SH3GL2: variants seen among roughly 807,000 people sequenced by gnomAD.
The protein encoded by SH3GL2 is endophilin-A1.
A neutral mutation model predicts 46.0 loss-of-function variants in SH3GL2; 24 were observed. That is an observed-to-expected ratio of 0.52 (90% confidence interval 0.38 to 0.73). The LOEUF is 0.73. Ranked by LOEUF, SH3GL2 falls within the 30% of genes least tolerant of loss-of-function variation. The pLI, the probability that SH3GL2 is intolerant of heterozygous loss-of-function variation, is 0.00. For synonymous variants in SH3GL2, 196 were observed against 147.1 expected, an observed-to-expected ratio of 1.33 and a Z score of -2.40; for missense variants, 413 against 424.2, an observed-to-expected ratio of 0.97 and a Z score of 0.23.
chr9:17,710,784 T>C (rs1366929922), intron 1 of SH3GL2, among the ~76,000 whole-genome samples: 1 of 151,918 alleles, frequency 6.6e-6, no homozygotes, highest in Non-Finnish European at 1.5e-5. Context: ...AATAAGCCAA[T>C]CCTCATCTTT....
At chr9:17,642,935 G>A (rs1204016433) in intron 1 of SH3GL2, among the ~76,000 whole-genome samples, 8 of 152,182 alleles carry the variant, frequency 5.3e-5, no homozygotes, top group Non-Finnish European at 1.0e-4. Context: ...AAAGTCAATG[G>A]TAGTTTGATG....
chr9:17,778,980 A>G (rs917369051), intron 3 of SH3GL2, among the ~76,000 whole-genome samples: 1 of 152,126 alleles, frequency 6.6e-6, no homozygotes, highest in Non-Finnish European at 1.5e-5. Flanking sequence ...TACACATCCT[A>G]GTACAGTCAA....
intron 1 of SH3GL2, among the ~76,000 whole-genome samples, chr9:17,628,462 G>A (rs1819341250): frequency 1.3e-5 from 2 of 150,450 alleles, no homozygotes; most frequent in Admixed American, 6.6e-5. Context: ...GTATGTGCAT[G>A]CACATTTATC....
At chr9:17,676,856 CCTTTTTAT>C (rs1192668343) in intron 1 of SH3GL2, among the ~76,000 whole-genome samples, 8 of 152,070 alleles carry the variant, frequency 5.3e-5, no homozygotes, top group Non-Finnish European at 1.0e-4. Flanking sequence ...TTCTTTTTGT[CCTTTTTAT>C]CTTTTTATAT....
chr9:17,731,325 G>A lies in SH3GL2; in HGVS notation c.46-15741G>A, dbSNP rs558574920. Among the ~76,000 whole-genome samples the A allele has an allele frequency of 1.1e-4, 16 of 151,866 alleles. No individual in the cohort carries two copies. In the East Asian group the frequency reaches 2.3e-3, roughly 22 times the overall value. On this transcript the variant is annotated intron_variant, in intron 1 of 8. Coordinates refer to ENST00000380607, the MANE Select transcript of SH3GL2 (RefSeq NM_003026.5). ...ATGGGGCCCTTGGGAGGTGTTTAAA[G>A]TTATATGAGTTCGTGAGGGTAGAAC...
At chr9:17,714,126 A>G (rs1424297077) in intron 1 of SH3GL2, among the ~76,000 whole-genome samples, 1 of 151,656 alleles carries the variant, frequency 6.6e-6, no homozygotes, top group Non-Finnish European at 1.5e-5. Context: ...GTATGAAATG[A>G]TGGTTTTGAT....
At chr9:17,731,907 G>A (rs1178825250) in intron 1 of SH3GL2, among the ~76,000 whole-genome samples, 2 of 152,082 alleles carry the variant, frequency 1.3e-5, no homozygotes, top group African/African-American at 4.8e-5. Flanking sequence ...CTCAGTGCCG[G>A]ACATACAAAA....
intron 1 of SH3GL2, among the ~76,000 whole-genome samples, chr9:17,657,666 A>G (rs1820120545): frequency 6.6e-6 from 1 of 152,140 alleles, no homozygotes; most frequent in African/African-American, 2.4e-5. Context: ...AATCGTTAGT[A>G]TTTGTGGCAC....
At chr9:17,669,840 G>C (rs745488267) in intron 1 of SH3GL2, among the ~76,000 whole-genome samples, 1 of 152,106 alleles carries the variant, frequency 6.6e-6, no homozygotes, top group Non-Finnish European at 1.5e-5. Context: ...CATAGCCAAG[G>C]AAATCAAGGA....
chr9:17,745,907 C>T (rs889191383), intron 1 of SH3GL2, among the ~76,000 whole-genome samples: 1 of 152,060 alleles, frequency 6.6e-6, no homozygotes, highest in African/African-American at 2.4e-5. Flanking sequence ...ACAGTGACAA[C>T]TTAGGGAAAA....
chr9:17,585,988 T>C lies in SH3GL2; in HGVS notation c.45+6701T>C, dbSNP rs373606006. Among the ~76,000 whole-genome samples the C allele has an allele frequency of 2.6e-5, 4 of 152,222 alleles. No individual in the cohort carries two copies. In the East Asian group the frequency reaches 5.8e-4, roughly 22 times the overall value. ...AAGCTTAAGAATGATGTACATGGTA[T>C]CCGATGGATAATAAAGACTAAAGAG... On this transcript the variant is annotated intron_variant, in intron 1 of 8. Transcript: ENST00000380607.
chr9:17,655,433 C>G (rs1820051550), intron 1 of SH3GL2, among the ~76,000 whole-genome samples: 2 of 152,040 alleles, frequency 1.3e-5, no homozygotes, highest in South Asian at 4.1e-4. Context: ...TGCGCTGAGT[C>G]CATTCTAATA....
At chr9:17,639,625 C>T (rs1300177004) in intron 1 of SH3GL2, among the ~76,000 whole-genome samples, 1 of 152,102 alleles carries the variant, frequency 6.6e-6, no homozygotes, top group Non-Finnish European at 1.5e-5. Flanking sequence ...CATAAAATTG[C>T]CGTATAATTC....
intron 1 of SH3GL2, among the ~76,000 whole-genome samples, chr9:17,694,703 G>C (rs183449757): frequency 2.6e-5 from 4 of 152,148 alleles, no homozygotes; most frequent in Admixed American, 2.6e-4. Flanking sequence ...TAAAGTGAGA[G>C]AAACCGCTAT....
intron 7 of SH3GL2, among the ~76,000 whole-genome samples, chr9:17,792,478 T>C (rs965707080): frequency 5.3e-5 from 8 of 152,218 alleles, no homozygotes; most frequent in Admixed American, 3.3e-4. Flanking sequence ...ACTTTGTTTA[T>C]TGAATAACTG....
intron 1 of SH3GL2, among the ~76,000 whole-genome samples, chr9:17,644,722 T>C (rs937119224): frequency 6.6e-6 from 1 of 152,226 alleles, no homozygotes; most frequent in African/African-American, 2.4e-5. Flanking sequence ...TTGCATTTGC[T>C]GAGGAGTGCT....
intron 1 of SH3GL2, among the ~76,000 whole-genome samples, chr9:17,595,816 A>G (rs1445028569): frequency 6.6e-6 from 1 of 152,250 alleles, no homozygotes; most frequent in Non-Finnish European, 1.5e-5. Flanking sequence ...TTGTAAAAAT[A>G]TAGCTATGAT....
At chr9:17,594,346 G>C (rs1818534265) in intron 1 of SH3GL2, among the ~76,000 whole-genome samples, 1 of 152,076 alleles carries the variant, frequency 6.6e-6, no homozygotes, top group Non-Finnish European at 1.5e-5. Flanking sequence ...TTTCCACTTG[G>C]TATTTGATTA....
At chr9:17,715,994 CACCTTTGCACTGTTGT>C (rs1442886827) in intron 1 of SH3GL2, among the ~76,000 whole-genome samples, 1 of 152,004 alleles carries the variant, frequency 6.6e-6, no homozygotes, top group Non-Finnish European at 1.5e-5. Flanking sequence ...GAATGTGTAT[CACCTTTGCACTGTTGT>C]AAATTTGAAA....
Sources: gnomAD v4.1 joint callset for allele counts (sites outside exome capture counted in the v4.1 genomes callset) on GRCh38, gnomAD v4.1.1 for gene constraint, MANE v1.5 for transcripts, NCBI Gene and HGNC (gene_info 2026-07-23, HGNC 2026-07-21) for gene names.